The following DACH2 variants were observed in gnomAD, a reference collection of about 807,000 sequenced individuals.
DACH2 encodes the protein dachshund homolog 2.
In DACH2, 17 loss-of-function variants were observed where a neutral mutation model predicts 35.8. That is an observed-to-expected ratio of 0.48 (90% confidence interval 0.33 to 0.71). The LOEUF (loss-of-function observed/expected upper bound fraction) is 0.71, where lower values mean the gene tolerates loss of function less well. DACH2 is among the 30% of genes least tolerant of loss of function. The pLI, the probability that DACH2 is intolerant of heterozygous loss-of-function variation, is 0.02. For synonymous variants in DACH2, 195 were observed against 177.3 expected (o/e 1.10, Z -0.79); for missense variants, 469 against 472.7 (o/e 0.99, Z 0.07).
intron 5 of DACH2, among the ~76,000 whole-genome samples, chrX:86,698,524 T>G (rs1569469382): frequency 5.9e-5 from 3 of 50,497 alleles, no homozygotes; most frequent in South Asian, 2.2e-3. Context: ...GTTTTGTGTT[T>G]TTTTTTTTTT....
At chrX:86,233,602 A>C (rs1399747334) in intron 1 of DACH2, among the ~76,000 whole-genome samples, 2 of 111,718 alleles carry the variant, frequency 1.8e-5, no homozygotes. Context: ...GAAATAAAGA[A>C]AGTTGTGTCT....
intron 2 of DACH2, among the ~76,000 whole-genome samples, chrX:86,419,887 G>A (rs966999726): frequency 4.5e-5 from 5 of 111,682 alleles, no homozygotes; most frequent in Admixed American, 9.5e-5. Context: ...TGTTGGCATC[G>A]GAGATATCTT....
intron 1 of DACH2, among the ~76,000 whole-genome samples, chrX:86,315,157 A>T (rs778009881): frequency 8.9e-6 from 1 of 111,874 alleles, no homozygotes; most frequent in Non-Finnish European, 1.9e-5. Flanking sequence ...ATGCTCATTT[A>T]CCATTCTGAA....
rs767033301 is a variant in DACH2, at chrX:86,299,261, A to G, written c.489-77563A>G. ...GCCTTTTATAATTAAGCTACTGTGGATGAACCTTTTATGACAAATAAGAGA... is the reference window on the plus strand; with the variant it reads ...GCCTTTTATAATTAAGCTACTGTGGGTGAACCTTTTATGACAAATAAGAGA... On this transcript the variant is annotated intron_variant, in intron 1 of 11. Transcript: ENST00000373125. 2.7e-5 allele frequency among the ~76,000 whole-genome samples: 3 copies of G among 111,927 alleles called. No individual in the cohort carries two copies. In the East Asian group the frequency reaches 8.4e-4, roughly 32 times the overall value.
At chrX:86,292,527 A>G (rs1483100598) in intron 1 of DACH2, among the ~76,000 whole-genome samples, 1 of 110,599 alleles carries the variant, frequency 9.0e-6, no homozygotes, top group Non-Finnish European at 1.9e-5. Context: ...TAGGTTGTCA[A>G]TTTTGGATCT....
At position 86,155,791 on chromosome X, in the gene DACH2, C is replaced by T. The variant is rs2030525375; in HGVS notation, c.488+6683C>T. On this transcript the variant is annotated intron_variant, in intron 1 of 11. Coordinates refer to ENST00000373125, the MANE Select transcript of DACH2 (RefSeq NM_053281.3). ...GTATTCCTTAATCATAATTTTATTCCTACCTTTATTAGAATAGGAAAACAG... is the reference window on the plus strand; with the variant it reads ...GTATTCCTTAATCATAATTTTATTCTTACCTTTATTAGAATAGGAAAACAG... Among the ~76,000 whole-genome samples, 4 of 110,459 alleles carry T rather than the reference C, an allele frequency of 3.6e-5. No homozygotes were observed. In the Admixed American group the frequency reaches 3.9e-4, roughly 11 times the overall value.
At chrX:86,709,604 G>GA (rs2041256127) in intron 5 of DACH2, among the ~76,000 whole-genome samples, 1 of 111,335 alleles carries the variant, frequency 9.0e-6, no homozygotes, top group South Asian at 3.7e-4. Flanking sequence ...TTAAGAGAAT[G>GA]AAAAAACAAA....
intron 6 of DACH2, among the ~76,000 whole-genome samples, chrX:86,722,475 A>G (rs1248235199): frequency 9.1e-6 from 1 of 109,989 alleles, no homozygotes; most frequent in Non-Finnish European, 1.9e-5. Context: ...CAGCCTCTGG[A>G]GTAGCTGGGA....
intron 4 of DACH2, among the ~76,000 whole-genome samples, chrX:86,662,906 T>G (rs1192779346): frequency 1.8e-5 from 2 of 111,704 alleles, no homozygotes; most frequent in Non-Finnish European, 3.8e-5. Flanking sequence ...ATTTATGCGC[T>G]ATACACATAT....
At chrX:86,357,874 C>A (rs2035668557) in intron 1 of DACH2, among the ~76,000 whole-genome samples, 1 of 112,064 alleles carries the variant, frequency 8.9e-6, no homozygotes, top group Admixed American at 9.5e-5. Flanking sequence ...TTATGACTAT[C>A]TTCTCCCATT....
intron 3 of DACH2, among the ~76,000 whole-genome samples, chrX:86,564,197 A>G (rs1411646527): frequency 9.0e-6 from 1 of 111,346 alleles, no homozygotes; most frequent in African/African-American, 3.2e-5. Context: ...GGATTACCTG[A>G]GTGATTGTTT....
At chrX:86,582,137 G>A (rs993247647) in intron 3 of DACH2, among the ~76,000 whole-genome samples, 3 of 111,304 alleles carry the variant, frequency 2.7e-5, no homozygotes, top group African/African-American at 6.5e-5. Context: ...ATGAAATTAA[G>A]ACAGAAATTA....
At position 86,404,054 on chromosome X, in the gene DACH2, C is replaced by A. The variant is rs758653163; in HGVS notation, c.527+27192C>A. 3.0e-3 allele frequency among the ~76,000 whole-genome samples: 334 copies of A among 110,035 alleles called. 2 individuals carry two copies. Among genetic ancestry groups the A allele is most frequent in the Middle Eastern group, 0.019 (4 of 214 alleles). On this transcript the variant is annotated intron_variant, in intron 2 of 11. Transcript: ENST00000373125. Reference sequence around the variant, plus strand: ...CATTAGAACAGCATGGAGTAACTACCCCCGTGATTCAATAACCTCCCACTG... The same window carrying A: ...CATTAGAACAGCATGGAGTAACTACACCCGTGATTCAATAACCTCCCACTG...
intron 3 of DACH2, among the ~76,000 whole-genome samples, chrX:86,574,615 C>A (rs1474875212): frequency 9.0e-6 from 1 of 111,548 alleles, no homozygotes; most frequent in Admixed American, 9.6e-5. Flanking sequence ...GAGCTATGCA[C>A]ATACATTCTG....
intron 1 of DACH2, among the ~76,000 whole-genome samples, chrX:86,314,758 T>C (rs971351180): frequency 6.3e-5 from 7 of 111,902 alleles, no homozygotes; most frequent in Non-Finnish European, 1.3e-4. Context: ...AGCCACAACA[T>C]TCCCTTAAGC....
chrX:86,278,689 C>G (rs2033965045), intron 1 of DACH2, among the ~76,000 whole-genome samples: 1 of 111,681 alleles, frequency 9.0e-6, no homozygotes. Flanking sequence ...GTCAGCGAGA[C>G]AGAACTGTTC....
intron 1 of DACH2, among the ~76,000 whole-genome samples, chrX:86,364,990 A>C (rs2148086629): frequency 8.9e-6 from 1 of 111,811 alleles, no homozygotes; most frequent in Admixed American, 9.5e-5. Flanking sequence ...TAATACAGAT[A>C]GCTTCTGAAA....
At chrX:86,337,776 T>C (rs1422585258) in intron 1 of DACH2, among the ~76,000 whole-genome samples, 1 of 111,656 alleles carries the variant, frequency 9.0e-6, no homozygotes, top group Non-Finnish European at 1.9e-5. Flanking sequence ...GCAAATTGGA[T>C]AAAGAGTCAA....
Position 86,281,825 on chromosome X carries a change from G to T in DACH2, c.489-94999G>T, listed in dbSNP as rs2034035315. On this transcript the variant is annotated intron_variant, in intron 1 of 11. Transcript: ENST00000373125. ...AAGTCTCAGGATACAAAATCAATGT[G>T]CAAAAAGCACAGGCATTCCTATACA... 6.3e-5 allele frequency among the ~76,000 whole-genome samples: 7 copies of T among 111,937 alleles called. 1 individual carries two copies. The Admixed American group carries it at 6.6e-4, about 11-fold the overall frequency.
Sources: gnomAD v4.1 joint callset for allele counts (sites outside exome capture counted in the v4.1 genomes callset) on GRCh38, gnomAD v4.1.1 for gene constraint, MANE v1.5 for transcripts, NCBI Gene and HGNC (gene_info 2026-07-23, HGNC 2026-07-21) for gene names.